Variants in ARHGAP25 observed in about 807,000 individuals in gnomAD.
ARHGAP25 encodes the protein rho GTPase-activating protein 25.
A neutral mutation model predicts 71.0 loss-of-function variants in ARHGAP25; 34 were observed. The ratio of observed to expected loss-of-function variants is 0.48; its 90% CI spans 0.36 to 0.64. The LOEUF (loss-of-function observed/expected upper bound fraction) is 0.64. Among genes scored for constraint, ARHGAP25 ranks in the 30% least tolerant of loss-of-function variants. The pLI is 0.00. For missense variants in ARHGAP25, 706 were observed against 805.1 expected, an observed-to-expected ratio of 0.88 and a Z score of 1.49; for synonymous variants, 282 against 296.5, an observed-to-expected ratio of 0.95 and a Z score of 0.50.
intron 5 of ARHGAP25, 37 bp from the exon 6 acceptor site, chr2:68,813,250 C>T (rs745352074): frequency 6.3e-7 from 1 of 1,579,356 alleles, no homozygotes; most frequent in South Asian, 1.2e-5. Flanking sequence ...GTTTTTCTTT[C>T]AAAGAGTTTC....
At chr2:68,731,073 C>A (rs186629217), upstream of ARHGAP25, among the ~76,000 whole-genome samples, 3 of 152,292 alleles carry the variant, frequency 2.0e-5, no homozygotes, top group African/African-American at 7.2e-5. Context: ...GCATCCAACG[C>A]AGGCCTGTAC....
At chr2:68,735,752 C>T (rs146435064) in intron 1 of ARHGAP25, among the ~76,000 whole-genome samples, 2 of 151,926 alleles carry the variant, frequency 1.3e-5, no homozygotes, top group South Asian at 2.1e-4. Flanking sequence ...AACATAAAAA[C>T]GTACTAAAGT....
chr2:68,758,378 C>T (rs1676605637), intron 1 of ARHGAP25, among the ~76,000 whole-genome samples: 1 of 151,624 alleles, frequency 6.6e-6, no homozygotes, highest in Admixed American at 6.6e-5. Context: ...TCACTTTAGA[C>T]CCAAAGATAC....
intron 6 of ARHGAP25, among the ~76,000 whole-genome samples, chr2:68,815,312 C>G (rs6742682): frequency 9.2e-5 from 14 of 152,148 alleles, no homozygotes; most frequent in African/African-American, 2.9e-4. Flanking sequence ...GAAGCTGATG[C>G]TACGCTAAGA....
In ARHGAP25 at chr2:68,822,756, T is replaced by C. The variant is rs1378275845; in HGVS notation, c.1617T>C (p.Thr539=). 1 of 1,614,200 alleles carries C rather than the reference T, an allele frequency of 6.2e-7. No individual in the cohort carries two copies. Among genetic ancestry groups the C allele is most frequent in the East Asian group, 2.2e-5 (1 of 44,882 alleles). The part of the protein sequence containing the change: ...GDTLASPNSE[T]GPGKKNSGEE... Reference sequence around the variant, plus strand: ...CTCTTGCCAGTCCAAACTCTGAAACTGGGCCTGGAAAAAAGAACTCTGGAG... The same window carrying C: ...CTCTTGCCAGTCCAAACTCTGAAACCGGGCCTGGAAAAAAGAACTCTGGAG... Residue 539 remains threonine, a synonymous_variant, in exon 10 of 11, where the codon ACT becomes ACC. Coordinates refer to ENST00000409202, the MANE Select transcript of ARHGAP25 (RefSeq NM_001007231.3).
intron 7 of ARHGAP25, 195 bp downstream of exon 7, chr2:68,816,557 A>C (rs1189183828): frequency 6.9e-6 from 4 of 577,802 alleles, no homozygotes; most frequent in African/African-American, 5.6e-5. Flanking sequence ...GAACCAAAAA[A>C]TGAACGTGCT....
intron 1 of ARHGAP25, among the ~76,000 whole-genome samples, chr2:68,752,319 A>G (rs1239132583): frequency 6.7e-6 from 1 of 149,730 alleles, no homozygotes; most frequent in African/African-American, 2.6e-5. Context: ...CTGTTCTTCA[A>G]GATAGAAAAA....
In ARHGAP25 at chr2:68,817,982, G is replaced by A. The variant is rs745617834; in HGVS notation, c.991G>A (p.Val331Met). The change falls in exon 8 of 11, where the codon GTG becomes ATG. Residue 331 changes from valine to methionine, a missense_variant. By Grantham distance (21) the Val-to-Met change is conservative. Transcript: ENST00000409202. ...LIRSKVEDPA[V>M]IMRGTPQIQR... Reference sequence around the variant, plus strand: ...CAGGTCGAAGGTCGAAGACCCTGCCGTGATCATGAGAGGTATGGCTGGTCC... The same window carrying A: ...CAGGTCGAAGGTCGAAGACCCTGCCATGATCATGAGAGGTATGGCTGGTCC... 26 of 1,613,966 alleles carry A rather than the reference G, an allele frequency of 1.6e-5. No homozygotes were observed. The highest frequency in any genetic ancestry group is 8.8e-5 in the South Asian group (8 of 91,080).
intron 8 of ARHGAP25, among the ~76,000 whole-genome samples, chr2:68,818,603 C>T (rs1210955063): frequency 6.6e-6 from 1 of 152,254 alleles, no homozygotes; most frequent in Non-Finnish European, 1.5e-5. Context: ...GCTGGGATTA[C>T]AGGCGTGAGC....
chr2:68,801,389 A>C (rs1366905251), intron 4 of ARHGAP25, among the ~76,000 whole-genome samples: 1 of 152,230 alleles, frequency 6.6e-6, no homozygotes, highest in Non-Finnish European at 1.5e-5. Context: ...GCATCTGATG[A>C]GACACACGGA....
Position 68,817,819 on chromosome 2 carries a change from C to T in ARHGAP25, c.882-54C>T, listed in dbSNP as rs375584875. ...GAGTTCTCATTGGAACCCTGTAGTG[C>T]TTCCTCCTGGCTACTTCCTGCTTTC... On this transcript the variant is annotated intron_variant, in intron 7 of 10. Coordinates refer to ENST00000409202, the MANE Select transcript of ARHGAP25 (RefSeq NM_001007231.3). 1.9e-3 allele frequency: 3,096 copies of T among 1,602,234 alleles called. 74 individuals are homozygous for T. The South Asian group carries it at 0.033, about 17-fold the overall frequency.
At chr2:68,766,259 T>C (rs1416146974) in intron 1 of ARHGAP25, among the ~76,000 whole-genome samples, 5 of 152,226 alleles carry the variant, frequency 3.3e-5, no homozygotes, top group Non-Finnish European at 7.3e-5. Context: ...TTGTTCTTCC[T>C]TACACTAACG....
rs149661430 is a variant in ARHGAP25 at position 68,805,987 on chromosome 2, A to G, written c.467-1286A>G. On this transcript the variant is annotated intron_variant, in intron 4 of 10. Transcript: ENST00000409202. Reference sequence around the variant, plus strand: ...AGGCAGTGGTTGTCCTGATTTGTAAATTTGTCTTCTCACACTGCCGGTGCG... The same window carrying G: ...AGGCAGTGGTTGTCCTGATTTGTAAGTTTGTCTTCTCACACTGCCGGTGCG... Among the ~76,000 whole-genome samples, 921 of 152,264 alleles carry G rather than the reference A, an allele frequency of 6.0e-3. 8 individuals are homozygous for G. The highest frequency in any genetic ancestry group is 9.1e-3 in the Non-Finnish European group (617 of 68,026).
chr2:68,739,089 G>A (rs1235445983), intron 1 of ARHGAP25, among the ~76,000 whole-genome samples: 1 of 152,170 alleles, frequency 6.6e-6, no homozygotes, highest in Non-Finnish European at 1.5e-5. Context: ...GTCACCTCTG[G>A]GCCTTCTGCA....
chr2:68,780,450 A>G lies in ARHGAP25; in HGVS notation c.262-1783A>G, dbSNP rs368305395. Among the ~76,000 whole-genome samples the G allele has an allele frequency of 2.1e-3, 324 of 152,260 alleles. 2 individuals are homozygous for G. Among genetic ancestry groups the G allele is most frequent in the African/African-American group, 7.4e-3 (307 of 41,520 alleles). ...AGCTCAGCAGCACAACCTCAGGGTC[A>G]TTTTTTCTGAAGGCATGGATGTGAT... On this transcript the variant is annotated intron_variant, in intron 2 of 10. Transcript: ENST00000409202.
chr2:68,824,838 A>G (rs1277378179), intron 10 of ARHGAP25, among the ~76,000 whole-genome samples: 2 of 152,194 alleles, frequency 1.3e-5, no homozygotes, highest in African/African-American at 4.8e-5. Context: ...ATGGATTGTT[A>G]CCCACAGAAT....
chr2:68,719,827 G>A (rs1412372780), intron 2 of ARHGAP25, among the ~76,000 whole-genome samples: 1 of 152,156 alleles, frequency 6.6e-6, no homozygotes, highest in Admixed American at 6.5e-5. Flanking sequence ...TAATGACAGA[G>A]CAGGGGTTGG....
chr2:68,735,469 G>C, intron 1 of ARHGAP25: 1 of 608,750 alleles, frequency 1.6e-6, no homozygotes, highest in Non-Finnish European at 2.9e-6. Context: ...AAAACAGTGG[G>C]ATGGCACTCC....
At chr2:68,774,493 G>T (rs186916762) in intron 1 of ARHGAP25, among the ~76,000 whole-genome samples, 1 of 152,204 alleles carries the variant, frequency 6.6e-6, no homozygotes, top group Non-Finnish European at 1.5e-5. Flanking sequence ...TGGCAGTGAC[G>T]ATCTAACTGT....
Sources: allele counts gnomAD v4.1 joint callset (sites outside exome capture counted in the v4.1 genomes callset), GRCh38; gene constraint gnomAD v4.1.1; transcripts MANE v1.5; gene names NCBI Gene and HGNC (gene_info 2026-07-23, HGNC 2026-07-21).